Variants in CTIF observed in about 807,000 individuals in gnomAD.
The protein encoded by CTIF is cap binding complex dependent translation initiation factor, also known as CBP80/20-dependent translation initiation factor.
A neutral mutation model predicts 66.0 loss-of-function variants in CTIF; 21 were observed. The observed-to-expected ratio is 0.32, with a 90% CI of 0.23 to 0.46. The LOEUF is 0.46. Among genes scored for constraint, CTIF ranks in the 20% least tolerant of loss-of-function variants. The probability of loss-of-function intolerance (pLI) is 1.00; values close to 1 mark genes in which losing one functional copy is unlikely to be tolerated. For missense variants in CTIF, 739 were observed against 812.7 expected (o/e 0.91, Z 1.10); for synonymous variants, 345 against 326.4 (o/e 1.06, Z -0.62).
intron 9 of CTIF, among the ~76,000 whole-genome samples, chr18:48,806,770 C>T (rs1295382537): frequency 2.0e-5 from 3 of 152,140 alleles, no homozygotes; most frequent in Middle Eastern, 3.2e-3. Context: ...GTGGTTATCC[C>T]GAGTGGGAAG....
rs563650306 is a variant in CTIF at position 48,693,981 on chromosome 18, G to A, written c.508-17638G>A. On this transcript the variant is annotated intron_variant, in intron 6 of 11. Coordinates refer to ENST00000256413, the MANE Select transcript of CTIF (RefSeq NM_014772.3). The stretch of plus-strand genomic sequence containing the variant: ...GTTTATGCGTTGGTGCCTATGCGGG[G>A]AATTTTTAAAACCACATTTTGGACT... 6.2e-4 allele frequency among the ~76,000 whole-genome samples: 95 copies of A among 152,344 alleles called. 2 individuals carry two copies. The highest frequency in any genetic ancestry group is 2.4e-4 in the Non-Finnish European group (16 of 68,038).
rs148187187 is a variant in CTIF at position 48,576,088 on chromosome 18, G to A, written c.-29+36776G>A. Among the ~76,000 whole-genome samples, 508 of 152,382 alleles carry A rather than the reference G, an allele frequency of 3.3e-3. 2 individuals carry two copies. The highest frequency in any genetic ancestry group is 0.012 in the African/African-American group (492 of 41,598). ...TTGTCCCTCCCGGTCCTCGGGCAGCGGCGCCTGTGTACAGAGCACCCAGGT... is the reference window on the plus strand; with the variant it reads ...TTGTCCCTCCCGGTCCTCGGGCAGCAGCGCCTGTGTACAGAGCACCCAGGT... On this transcript the variant is annotated intron_variant, in intron 1 of 11. Coordinates refer to ENST00000256413, the MANE Select transcript of CTIF (RefSeq NM_014772.3).
At chr18:48,746,344 G>T (rs1041350422) in intron 7 of CTIF, among the ~76,000 whole-genome samples, 1 of 151,936 alleles carries the variant, frequency 6.6e-6, no homozygotes, top group Non-Finnish European at 1.5e-5. Flanking sequence ...TGTCTCTCTT[G>T]TGCTGCCCTC....
chr18:48,756,611 A>G (rs1011420), intron 7 of CTIF, among the ~76,000 whole-genome samples: 80,548 of 152,050 alleles, frequency 0.53, 22,629 homozygotes, highest in African/African-American at 0.72. Flanking sequence ...CAACCTTTGC[A>G]GAATTCATGC....
intron 6 of CTIF, among the ~76,000 whole-genome samples, chr18:48,677,239 C>A (rs1314954154): frequency 6.6e-6 from 1 of 152,160 alleles, no homozygotes; most frequent in African/African-American, 2.4e-5. Flanking sequence ...CTCCCCAGGC[C>A]CTGTGCACCG....
chr18:48,846,930 G>A (rs994219584), intron 10 of CTIF, among the ~76,000 whole-genome samples: 1 of 152,106 alleles, frequency 6.6e-6, no homozygotes, highest in Admixed American at 6.5e-5. Flanking sequence ...GGGATAGGTA[G>A]TGGCCAATAC....
At chr18:48,818,444 G>A (rs929957340) in intron 10 of CTIF, among the ~76,000 whole-genome samples, 4 of 152,184 alleles carry the variant, frequency 2.6e-5, no homozygotes, top group South Asian at 2.1e-4. Flanking sequence ...GAAATAGAAT[G>A]GGGATGAAAA....
At chr18:48,702,425 G>A (rs552253614) in intron 6 of CTIF, among the ~76,000 whole-genome samples, 1 of 152,164 alleles carries the variant, frequency 6.6e-6, no homozygotes, top group Non-Finnish European at 1.5e-5. Context: ...AAACCTGTCC[G>A]GGGTTCCTGA....
intron 7 of CTIF, among the ~76,000 whole-genome samples, chr18:48,747,645 A>G (rs4939806): frequency 0.75 from 113,718 of 151,866 alleles, 43,235 homozygotes; most frequent in African/African-American, 0.88. Context: ...TGCGGCTCAC[A>G]CTTGTAATCC....
At chr18:48,807,078 G>A (rs1246643814) in intron 9 of CTIF, among the ~76,000 whole-genome samples, 1 of 152,194 alleles carries the variant, frequency 6.6e-6, no homozygotes, top group East Asian at 1.9e-4. Context: ...GGAATGGCTT[G>A]TTTCGGTTGG....
chr18:48,846,396 C>T (rs192874354), intron 10 of CTIF, among the ~76,000 whole-genome samples: 168 of 152,298 alleles, frequency 1.1e-3, no homozygotes, highest in African/African-American at 3.7e-3. Flanking sequence ...TATCCCTGTA[C>T]TTACGTAGCA....
chr18:48,862,610 GTCCA>G lies in CTIF; in HGVS notation c.*3057_*3060del, dbSNP rs1348172858. ...ACCTTCACTGTTTGGGGATCGTCCTGTCCATCCATGTAAATGTAAATGTTGGCCG... is the reference window on the plus strand; with the variant it reads ...ACCTTCACTGTTTGGGGATCGTCCTGTCCATGTAAATGTAAATGTTGGCCG... On this transcript the variant is annotated 3_prime_UTR_variant, in exon 12 of 12. Transcript: ENST00000256413. The G allele has an allele frequency of 6.5e-6, 1 of 152,692 alleles. No homozygotes were observed. Among genetic ancestry groups the G allele is most frequent in the Non-Finnish European group, 1.5e-5 (1 of 68,084 alleles). 9.5% of individuals were successfully genotyped at this position (152,692 alleles called of 1,614,324 possible).
At chr18:48,675,513 G>A (rs551295054) in intron 6 of CTIF, among the ~76,000 whole-genome samples, 6 of 152,324 alleles carry the variant, frequency 3.9e-5, no homozygotes, top group Admixed American at 2.6e-4. Flanking sequence ...CGTCTTCACC[G>A]GCCATGCCTC....
rs189832388 is a variant in CTIF at position 48,797,774 on chromosome 18, A to G, written c.1372-19447A>G. Among the ~76,000 whole-genome samples the G allele has an allele frequency of 3.3e-5, 5 of 152,294 alleles. No individual in the cohort carries two copies. The East Asian group carries it at 5.8e-4, about 18-fold the overall frequency. ...CTCTCCTGTAAAACAGGAATCAGGCAGTTAGATCTCATAGTACCTGTGTGA... is the reference window on the plus strand; with the variant it reads ...CTCTCCTGTAAAACAGGAATCAGGCGGTTAGATCTCATAGTACCTGTGTGA... On this transcript the variant is annotated intron_variant, in intron 9 of 11. Coordinates refer to ENST00000256413, the MANE Select transcript of CTIF (RefSeq NM_014772.3).
At chr18:48,612,817 C>T (rs761588538) in intron 1 of CTIF, among the ~76,000 whole-genome samples, 2 of 152,166 alleles carry the variant, frequency 1.3e-5, no homozygotes, top group Non-Finnish European at 2.9e-5. Context: ...CTGCAGCGGG[C>T]CTGGGTTCCA....
intron 10 of CTIF, among the ~76,000 whole-genome samples, chr18:48,852,401 C>G (rs902514177): frequency 2.0e-5 from 3 of 152,120 alleles, no homozygotes; most frequent in Admixed American, 2.0e-4. Flanking sequence ...ACCAGCCCCT[C>G]GCAGTTGGAT....
chr18:48,582,455 G>C (rs966799732), intron 1 of CTIF, among the ~76,000 whole-genome samples: 1 of 152,116 alleles, frequency 6.6e-6, no homozygotes, highest in Admixed American at 6.5e-5. Flanking sequence ...CTTTCTGGGG[G>C]CCTCATGCAC....
At chr18:48,690,822 C>T (rs1282007050) in intron 6 of CTIF, among the ~76,000 whole-genome samples, 5 of 151,924 alleles carry the variant, frequency 3.3e-5, no homozygotes, top group Admixed American at 3.3e-4. Flanking sequence ...GATAATAAAA[C>T]CTCCTCCCTG....
In CTIF at chr18:48,750,270, A is replaced by G. The variant is rs535542620; in HGVS notation, c.585-7649A>G. Among the ~76,000 whole-genome samples, 16 of 152,332 alleles carry G rather than the reference A, an allele frequency of 1.1e-4. No individual in the cohort carries two copies. In the South Asian group the frequency reaches 1.9e-3, roughly 18 times the overall value. ...GCCACGGGGAGTTGAGTGGTTGGCCAAAGCTGCACAGCAAACTGGTTCTGG... is the reference window on the plus strand; with the variant it reads ...GCCACGGGGAGTTGAGTGGTTGGCCGAAGCTGCACAGCAAACTGGTTCTGG... On this transcript the variant is annotated intron_variant, in intron 7 of 11. Transcript: ENST00000256413.
Sources: allele counts gnomAD v4.1 joint callset (sites outside exome capture counted in the v4.1 genomes callset), GRCh38; gene constraint gnomAD v4.1.1; transcripts MANE v1.5; gene names NCBI Gene and HGNC (gene_info 2026-07-23, HGNC 2026-07-21).